UCHL3: variants seen among roughly 807,000 people sequenced by gnomAD.
UCHL3 encodes ubiquitin C-terminal hydrolase L3.
A neutral mutation model predicts 35.8 loss-of-function variants in UCHL3; 22 were observed. The ratio of observed to expected loss-of-function variants is 0.61; its 90% CI spans 0.44 to 0.88. The LOEUF (loss-of-function observed/expected upper bound fraction) is 0.88, where lower values mean the gene tolerates loss of function less well. Ranked by LOEUF, UCHL3 falls within the 40% of genes least tolerant of loss-of-function variation. The pLI is 0.00. For missense variants in UCHL3, 229 were observed against 276.9 expected (o/e 0.83, Z 1.23); for synonymous variants, 90 against 92.8 (o/e 0.97, Z 0.17).
At chr13:75,575,449 A>G (rs916559438) in intron 6 of UCHL3, among the ~76,000 whole-genome samples, 2 of 152,206 alleles carry the variant, frequency 1.3e-5, no homozygotes, top group Non-Finnish European at 2.9e-5. Context: ...TTGATTTTCC[A>G]CTTGCTACAA....
intron 1 of UCHL3, 33 bp downstream of exon 1, chr13:75,549,895 G>A (rs760303070): frequency 6.2e-7 from 1 of 1,613,952 alleles, no homozygotes; most frequent in Non-Finnish European, 8.5e-7. Flanking sequence ...CTGGGCCGTG[G>A]GCAGGTGCAG....
chr13:75,589,619 T>C (rs560147631), intron 6 of UCHL3, among the ~76,000 whole-genome samples: 1 of 152,358 alleles, frequency 6.6e-6, no homozygotes, highest in South Asian at 2.1e-4. Flanking sequence ...GTGTGTTACT[T>C]TTTAAAAACA....
chr13:75,554,953 G>A (rs2031242655), intron 2 of UCHL3, among the ~76,000 whole-genome samples: 1 of 152,112 alleles, frequency 6.6e-6, no homozygotes, highest in East Asian at 1.9e-4. Flanking sequence ...TTGTATCCAT[G>A]TGTTCTCATC....
At chr13:75,592,468 G>GTATAT (rs1201744829) in intron 6 of UCHL3, among the ~76,000 whole-genome samples, 12 of 23,304 alleles carry the variant, frequency 5.1e-4, no homozygotes, top group Non-Finnish European at 8.8e-4. Context: ...ATATATATAT[G>GTATAT]AAGGAAAAAA....
chr13:75,590,169 AG>A (rs1388869363), intron 6 of UCHL3: 1 of 1,232,060 alleles, frequency 8.1e-7, no homozygotes, highest in Admixed American at 3.4e-5. Flanking sequence ...TCCAGTGACA[AG>A]GGCTGTCTTT....
At chr13:75,560,695 A>G (rs542587408) in intron 2 of UCHL3, 58 bp from the exon 3 acceptor site, 2 of 1,471,220 alleles carry the variant, frequency 1.4e-6, no homozygotes, top group Non-Finnish European at 1.8e-6. Flanking sequence ...ATAGTATACT[A>G]GTTTTCTTTT....
chr13:75,571,015 T>C (rs2031839054), intron 6 of UCHL3, among the ~76,000 whole-genome samples: 1 of 152,196 alleles, frequency 6.6e-6, no homozygotes, highest in South Asian at 2.1e-4. Context: ...AAGAGGCCCG[T>C]CTAAAAGTTT....
At chr13:75,597,644 A>C (rs930788161) in intron 7 of UCHL3, among the ~76,000 whole-genome samples, 13 of 152,222 alleles carry the variant, frequency 8.5e-5, no homozygotes, top group Admixed American at 3.9e-4. Flanking sequence ...ATACTATACC[A>C]TTTAGGTAGA....
rs779043780 is a variant in UCHL3 at position 75,560,779 on chromosome 13, T to C, written c.81T>C (p.Pro27=). ...NQFLKQLGLH[P]NWQFVDVYGM... ...TTCTTAAACAATTAGGTCTACATCC[T>C]AACTGGCAATTCGTTGATGTATATG... The change falls in exon 3 of 9, where the codon CCT becomes CCC. Residue 27 remains proline, a synonymous_variant. Coordinates refer to ENST00000377595, the MANE Select transcript of UCHL3 (RefSeq NM_006002.5). 5.0e-6 allele frequency: 8 copies of C among 1,601,514 alleles called. No homozygotes were observed. The South Asian group carries it at 8.0e-5, about 16-fold the overall frequency.
chr13:75,559,505 C>T (rs745861537), intron 2 of UCHL3, among the ~76,000 whole-genome samples: 16 of 152,180 alleles, frequency 1.1e-4, no homozygotes, highest in Non-Finnish European at 2.2e-4. Context: ...AGATTATCTT[C>T]TACAAGCAGA....
chr13:75,593,005 G>A (rs7317250), intron 6 of UCHL3, among the ~76,000 whole-genome samples: 117,265 of 152,044 alleles, frequency 0.77, 45,984 homozygotes, highest in Middle Eastern at 0.88. Flanking sequence ...TCTGACTCCA[G>A]TTGTACTACT....
intron 6 of UCHL3, chr13:75,590,115 G>GGCT: frequency 7.7e-7 from 1 of 1,303,620 alleles, no homozygotes; most frequent in Non-Finnish European, 1.0e-6. Flanking sequence ...ACCATCTTTG[G>GGCT]GTCTCCATTC....
At chr13:75,549,728 T>G, upstream of UCHL3, 1 of 1,403,448 alleles carries the variant, frequency 7.1e-7, no homozygotes, top group African/African-American at 1.5e-5. Flanking sequence ...GGGCGGTGTG[T>G]TGGGAGGGCC....
chr13:75,604,708 T>C lies in UCHL3; in HGVS notation c.551-61T>C, dbSNP rs1210243945. ...CACTGGGGGAAGAGGAAAATGGAAG[T>C]TGAAAGCACATTATCCTGTAAAAAC... On this transcript the variant is annotated intron_variant, in intron 7 of 8. Transcript: ENST00000377595. 9.8e-6 allele frequency: 14 copies of C among 1,426,622 alleles called. No homozygotes were observed. The Admixed American group carries it at 3.0e-4, about 31-fold the overall frequency. The allele number at this position is 1,426,622 out of a possible 1,614,324, so 88.4% of individuals were successfully genotyped here.
chr13:75,583,616 T>C (rs1036958479), intron 6 of UCHL3, among the ~76,000 whole-genome samples: 1 of 152,214 alleles, frequency 6.6e-6, no homozygotes, highest in African/African-American at 2.4e-5. Flanking sequence ...GATACCAATA[T>C]TATTACTGTT....
chr13:75,569,653 T>A, intron 6 of UCHL3, 146 bp downstream of exon 6: 1 of 718,606 alleles, frequency 1.4e-6, no homozygotes, highest in Non-Finnish European at 2.2e-6. Flanking sequence ...AGAATTTGCT[T>A]AAGCAAAAGC....
intron 6 of UCHL3, 36 bp from the exon 7 acceptor site, chr13:75,594,879 A>G (rs2032603922): frequency 6.7e-7 from 1 of 1,494,288 alleles, no homozygotes. Flanking sequence ...TTTGACTACT[A>G]ATGTATATAA....
At chr13:75,596,948 A>T (rs1217988586) in intron 7 of UCHL3, among the ~76,000 whole-genome samples, 1 of 152,216 alleles carries the variant, frequency 6.6e-6, no homozygotes, top group Non-Finnish European at 1.5e-5. Flanking sequence ...ATTCTTTATC[A>T]AGAAGAATGA....
chr13:75,557,301 A>G (rs1360302569), intron 2 of UCHL3, among the ~76,000 whole-genome samples: 3 of 152,216 alleles, frequency 2.0e-5, no homozygotes, highest in Admixed American at 2.0e-4. Context: ...CTCACATACA[A>G]GGGTCTCAAA....
Sources: allele counts gnomAD v4.1 joint callset (sites outside exome capture counted in the v4.1 genomes callset), GRCh38; gene constraint gnomAD v4.1.1; transcripts MANE v1.5; gene names NCBI Gene and HGNC (gene_info 2026-07-23, HGNC 2026-07-21).